Variants in NAALADL2 observed in about 807,000 individuals in gnomAD.
NAALADL2 encodes inactive N-acetylated-alpha-linked acidic dipeptidase-like protein 2.
In NAALADL2, 76 loss-of-function variants were observed where a neutral mutation model predicts 87.2. The observed-to-expected ratio is 0.87, with a 90% confidence interval of 0.72 to 1.05. The LOEUF (loss-of-function observed/expected upper bound fraction) is 1.05, where lower values mean the gene tolerates loss of function less well. NAALADL2 is among the 50% of genes least tolerant of loss of function. NAALADL2 has a pLI of 0.00. For synonymous variants in NAALADL2, 354 were observed against 331.0 expected (o/e 1.07, Z -0.75); for missense variants, 1,089 against 945.8 (o/e 1.15, Z -1.99).
At chr3:175,010,650 T>C (rs1048084077) in intron 1 of NAALADL2, among the ~76,000 whole-genome samples, 6 of 152,190 alleles carry the variant, frequency 3.9e-5, no homozygotes, top group Admixed American at 1.3e-4. Context: ...TTGGGCCAAC[T>C]GAAAGAGAAA....
At chr3:174,475,505 A>G (rs1369509725) in intron 1 of NAALADL2, among the ~76,000 whole-genome samples, 4 of 152,128 alleles carry the variant, frequency 2.6e-5, no homozygotes, top group African/African-American at 9.6e-5. Flanking sequence ...CTAAAGTTAG[A>G]ATAGTTTATG....
At chr3:175,126,092 T>G (rs1726899946) in intron 2 of NAALADL2, among the ~76,000 whole-genome samples, 1 of 152,048 alleles carries the variant, frequency 6.6e-6, no homozygotes, top group African/African-American at 2.4e-5. Context: ...ACTAATGGAT[T>G]TAGCAAAGTG....
chr3:175,733,368 A>G (rs1184995103), intron 11 of NAALADL2, among the ~76,000 whole-genome samples: 1 of 152,154 alleles, frequency 6.6e-6, no homozygotes, highest in Non-Finnish European at 1.5e-5. Flanking sequence ...GTGGCAGGAA[A>G]AGAGCTTGTA....
intron 3 of NAALADL2, among the ~76,000 whole-genome samples, chr3:174,753,939 C>T (rs1711606360): frequency 6.6e-6 from 1 of 152,050 alleles, no homozygotes; most frequent in Non-Finnish European, 1.5e-5. Context: ...GATGAGAGGC[C>T]AAAATAAGGA....
chr3:174,864,932 G>A (rs952245045), intron 1 of NAALADL2, among the ~76,000 whole-genome samples: 10 of 151,966 alleles, frequency 6.6e-5, no homozygotes, highest in African/African-American at 2.4e-4. Flanking sequence ...GATGTTATTA[G>A]GATGACAATA....
chr3:175,082,417 T>C (rs1367120268), intron 1 of NAALADL2, among the ~76,000 whole-genome samples: 1 of 152,200 alleles, frequency 6.6e-6, no homozygotes, highest in African/African-American at 2.4e-5. Flanking sequence ...AAATGGGATA[T>C]TTTCTAAGAA....
chr3:175,144,994 C>A (rs1730548870), intron 2 of NAALADL2, among the ~76,000 whole-genome samples: 1 of 151,810 alleles, frequency 6.6e-6, no homozygotes, highest in African/African-American at 2.4e-5. Context: ...CATTCCATTT[C>A]TTTATTCACC....
chr3:174,473,078 G>A lies in NAALADL2; in HGVS notation c.-184+32046G>A, dbSNP rs938240232. On this transcript the variant is annotated intron_variant, in intron 1 of 3. Transcript: ENST00000434257. ...TAAATTTGTGTTTAAACCCTGATAC[G>A]TCTTCCAGTTACCAGTGTAATTTTT... Among the ~76,000 whole-genome samples, 8 of 152,244 alleles carry A rather than the reference G, an allele frequency of 5.3e-5. 1 individual carries two copies. The highest frequency in any genetic ancestry group is 4.1e-4 in the South Asian group (2 of 4,820).
chr3:174,566,873 C>T (rs939181988), intron 2 of NAALADL2, among the ~76,000 whole-genome samples: 2 of 151,082 alleles, frequency 1.3e-5, no homozygotes, highest in African/African-American at 4.9e-5. Flanking sequence ...CCATGATTAA[C>T]TTTTTTAAGA....
At chr3:175,738,173 A>G (rs1436534654) in intron 12 of NAALADL2, among the ~76,000 whole-genome samples, 1 of 152,220 alleles carries the variant, frequency 6.6e-6, no homozygotes, top group Non-Finnish European at 1.5e-5. Context: ...TTAACTGTAG[A>G]GCTGAAACAG....
intron 4 of NAALADL2, among the ~76,000 whole-genome samples, chr3:175,270,018 C>A (rs768488423): frequency 6.6e-6 from 1 of 152,064 alleles, no homozygotes; most frequent in Non-Finnish European, 1.5e-5. Context: ...TTTTTCATTT[C>A]TATTAAAATC....
In NAALADL2 at chr3:175,471,633, T is replaced by C. The variant is rs767135297; in HGVS notation, c.1534-6T>C. The C allele has an allele frequency of 1.4e-6, 2 of 1,424,212 alleles. No individual in the cohort carries two copies. The highest frequency in any genetic ancestry group is 2.0e-6 in the Non-Finnish European group (2 of 1,017,814). The allele number at this position is 1,424,212 out of a possible 1,614,324, so 88.2% of individuals were successfully genotyped here. ...CAGATAGATCCTTTTTTTTTTGTTA[T>C]TTCAGGATTTCAAGAAGGTTCTTCA... On this transcript the variant is annotated splice_polypyrimidine_tract_variant and splice_region_variant and intron_variant, in intron 8 of 13. Transcript: ENST00000454872.
intron 3 of NAALADL2, among the ~76,000 whole-genome samples, chr3:174,765,935 G>T (rs883901): frequency 0.3 from 46,085 of 151,952 alleles, 7,052 homozygotes; most frequent in Middle Eastern, 0.36. Context: ...GACTGTTGCC[G>T]GCTTGAGTGA....
At chr3:174,711,301 T>A (rs1403123099) in intron 2 of NAALADL2, among the ~76,000 whole-genome samples, 3 of 152,208 alleles carry the variant, frequency 2.0e-5, no homozygotes, top group African/African-American at 7.2e-5. Flanking sequence ...GAAGGCCACT[T>A]GAGTGAGCTC....
chr3:175,744,115 A>G (rs1403760422), intron 12 of NAALADL2, among the ~76,000 whole-genome samples: 1 of 152,210 alleles, frequency 6.6e-6, no homozygotes, highest in African/African-American at 2.4e-5. Flanking sequence ...TAAAGCAAGA[A>G]GGGAAAGAAA....
intron 2 of NAALADL2, among the ~76,000 whole-genome samples, chr3:174,624,386 G>A (rs1324391520): frequency 6.6e-6 from 1 of 152,144 alleles, no homozygotes; most frequent in East Asian, 1.9e-4. Context: ...CAGTTTGGGA[G>A]GCGGAGGCGG....
At chr3:175,178,689 C>T (rs1417548847) in intron 2 of NAALADL2, among the ~76,000 whole-genome samples, 1 of 151,984 alleles carries the variant, frequency 6.6e-6, no homozygotes, top group African/African-American at 2.4e-5. Context: ...TTCAGTAGGA[C>T]TAGGGAGAAG....
At chr3:174,960,173 C>A (rs975452458) in intron 1 of NAALADL2, among the ~76,000 whole-genome samples, 1 of 152,016 alleles carries the variant, frequency 6.6e-6, no homozygotes, top group Non-Finnish European at 1.5e-5. Context: ...TCTACATTAA[C>A]CTTATTGTTG....
chr3:174,814,404 G>A lies in NAALADL2; in HGVS notation c.-9+76658G>A, dbSNP rs539674220. ...TTACAGGTGTGAGCCACTGTGCCTGGCCTGTTTAGTTAAATATTTTAAGAC... is the reference window on the plus strand; with the variant it reads ...TTACAGGTGTGAGCCACTGTGCCTGACCTGTTTAGTTAAATATTTTAAGAC... On this transcript the variant is annotated intron_variant, in intron 3 of 3. Transcript: ENST00000434257. Among the ~76,000 whole-genome samples, 3 of 152,212 alleles carry A rather than the reference G, an allele frequency of 2.0e-5. No homozygotes were observed. The East Asian group carries it at 5.8e-4, about 29-fold the overall frequency.
Sources: allele counts gnomAD v4.1 joint callset (sites outside exome capture counted in the v4.1 genomes callset), GRCh38; gene constraint gnomAD v4.1.1; transcripts MANE v1.5; gene names NCBI Gene and HGNC (gene_info 2026-07-23, HGNC 2026-07-21).